Variants in C1orf162 observed in about 807,000 individuals in gnomAD.
C1orf162 encodes chromosome 1 open reading frame 162, also known as transmembrane protein C1orf162.
Under a neutral mutation model 11.4 loss-of-function variants are expected in C1orf162, and 10 were observed. The observed-to-expected ratio is 0.88, with a 90% CI of 0.54 to 1.48. The LOEUF is 1.48. Ranked by LOEUF, C1orf162 falls within the 40% of genes most tolerant of loss-of-function variation. The pLI is 0.00. For synonymous variants in C1orf162, 53 were observed against 55.0 expected (o/e 0.96, Z 0.16); for missense variants, 140 against 149.5 (o/e 0.94, Z 0.33).
At chr1:111,477,601 C>G (rs2298189) in intron 4 of C1orf162, 125 bp from the exon 5 acceptor site, 37 of 143,474 alleles carry the variant, frequency 2.6e-4, no homozygotes, top group Non-Finnish European at 3.9e-4. Context: ...TTCCGCCCTG[C>G]CCCCCACCCA....
At position 111,476,055 on chromosome 1, in the gene C1orf162, A is replaced by T; in HGVS notation, c.27A>T (p.Lys9Asn). 6.2e-7 allele frequency: 1 copy of T among 1,613,138 alleles called. No homozygotes were observed. Among genetic ancestry groups the T allele is most frequent in the African/African-American group, 1.3e-5 (1 of 75,018 alleles). MGGNGSTCKPDTERQGTLS... is the reference protein window; with the variant it reads MGGNGSTCNPDTERQGTLS... ...TGGGAGGCAATGGCTCCACATGTAAACCCGACACTGGTGAGTTTACGACAG... is the reference window on the plus strand; with the variant it reads ...TGGGAGGCAATGGCTCCACATGTAATCCCGACACTGGTGAGTTTACGACAG... Residue 9 changes from lysine (K) to asparagine (N), a missense_variant, in exon 2 of 6, where the codon AAA (lysine) becomes AAT (asparagine). Transcript: ENST00000369718.
intron 1 of C1orf162, chr1:111,474,894 A>G (rs1216760264): frequency 3.3e-5 from 5 of 152,182 alleles, no homozygotes; most frequent in Non-Finnish European, 4.4e-5. Flanking sequence ...AGAGCTGAAC[A>G]ATAAAACAAT....
intron 4 of C1orf162, 21 bp from the exon 5 acceptor site, chr1:111,477,705 T>C (rs1277955121): frequency 1.2e-6 from 2 of 1,612,666 alleles, no homozygotes; most frequent in African/African-American, 1.3e-5. Context: ...TGGGTCCCTC[T>C]TCTTTCTGGC....
intron 1 of C1orf162, chr1:111,475,660 CCT>C: frequency 5.0e-6 from 1 of 199,078 alleles, no homozygotes; most frequent in Non-Finnish European, 1.1e-5. Context: ...TATATGTTCC[CCT>C]GATAGGCAAA....
At chr1:111,474,901 C>T (rs945585171) in intron 1 of C1orf162, 4 of 151,920 alleles carry the variant, frequency 2.6e-5, no homozygotes, top group African/African-American at 9.7e-5. Context: ...AACAATAAAA[C>T]AATAAATAAT....
Position 111,477,373 on chromosome 1 carries a change from A to G in C1orf162, c.147A>G (p.Leu49=), listed in dbSNP as rs1654026010. 2 of 1,614,036 alleles carry G rather than the reference A, an allele frequency of 1.2e-6. No individual in the cohort carries two copies. Among genetic ancestry groups the G allele is most frequent in the Admixed American group, 1.7e-5 (1 of 60,010 alleles). The change falls in exon 4 of 6, where the codon CTA becomes CTG. Residue 49 remains leucine, a synonymous_variant. Coordinates refer to ENST00000369718, the MANE Select transcript of C1orf162 (RefSeq NM_001300834.2). ...TCCTTGCCTTTTGTGCTGGGGTTCT[A>G]CTGACACTGCTGCTGATAGCCTTTA... is the stretch of plus-strand genomic sequence containing the variant. The part of the protein sequence containing the change: ...HLILAFCAGV[L]LTLLLIAFIF...
chr1:111,475,928 A>G, intron 1 of C1orf162, 90 bp from the exon 2 acceptor site: 2 of 985,418 alleles, frequency 2.0e-6, no homozygotes, highest in South Asian at 1.4e-5. Context: ...CATTGTTACT[A>G]CTCTTATATG....
At chr1:111,474,749 A>G (rs924737876) in intron 1 of C1orf162, 7 of 152,124 alleles carry the variant, frequency 4.6e-5, no homozygotes, top group Admixed American at 4.6e-4. Flanking sequence ...CTGACATTGC[A>G]TGATCTAAAA....
At chr1:111,474,559 T>G (rs980229367) in intron 1 of C1orf162, 2 of 152,224 alleles carry the variant, frequency 1.3e-5, no homozygotes, top group African/African-American at 4.8e-5. Flanking sequence ...ATTTCAATAT[T>G]TTAAAAATAT....
At chr1:111,477,559 G>T (rs547419414) in intron 4 of C1orf162, 131 bp downstream of exon 4, 14 of 1,497,058 alleles carry the variant, frequency 9.4e-6, no homozygotes, top group Admixed American at 8.5e-5. Context: ...CACCCTGTCT[G>T]CAGACTGAAG....
chr1:111,477,566 G>A (rs1328693865), intron 4 of C1orf162, 138 bp downstream of exon 4: 1 of 1,508,764 alleles, frequency 6.6e-7, no homozygotes, highest in Non-Finnish European at 9.2e-7. Context: ...TCTGCAGACT[G>A]AAGATTCAAA....
chr1:111,477,637 ACCCTT>A lies in C1orf162; in HGVS notation c.203-87_203-83del, dbSNP rs750224830. ...CCTGCCAACACCTCCTCCCCACCCC[ACCCTT>A]CACCCAAGATCGAAGGGAGAGGCTT... On this transcript the variant is annotated intron_variant, in intron 4 of 5. Coordinates refer to ENST00000369718, the MANE Select transcript of C1orf162 (RefSeq NM_001300834.2). 1.0e-5 allele frequency: 15 copies of A among 1,433,624 alleles called. No individual in the cohort carries two copies. The East Asian group carries it at 5.5e-4, about 52-fold the overall frequency. The allele number at this position is 1,433,624 out of a possible 1,614,324, so 88.8% of individuals were successfully genotyped here.
intron 3 of C1orf162, 146 bp from the exon 4 acceptor site, chr1:111,477,188 A>C: frequency 1.3e-6 from 1 of 757,552 alleles, no homozygotes; most frequent in Non-Finnish European, 2.2e-6. Flanking sequence ...ACTCAAAAGC[A>C]AAAGCTGAAA....
At chr1:111,476,936 G>A (rs1399415378) in intron 3 of C1orf162, 69 bp downstream of exon 3, 17 of 1,541,678 alleles carry the variant, frequency 1.1e-5, no homozygotes, top group African/African-American at 6.8e-5. Context: ...TGACAGCCTC[G>A]GCTTGGGGAT....
At position 111,476,036 on chromosome 1, in the gene C1orf162, G is replaced by A; in HGVS notation, c.8G>A (p.Gly3Asp). The A allele has an allele frequency of 6.2e-7, 1 of 1,613,252 alleles. No individual in the cohort carries two copies. Among genetic ancestry groups the A allele is most frequent in the South Asian group, 1.1e-5 (1 of 91,048 alleles). Residue 3 changes from glycine to aspartate, a missense_variant, in exon 2 of 6, where the codon GGC (glycine) becomes GAC (aspartate). Coordinates refer to ENST00000369718, the MANE Select transcript of C1orf162 (RefSeq NM_001300834.2). Reference sequence around the variant, plus strand: ...TTCTCAGGGGATGACAGCATGGGAGGCAATGGCTCCACATGTAAACCCGAC... The same window carrying A: ...TTCTCAGGGGATGACAGCATGGGAGACAATGGCTCCACATGTAAACCCGAC... MG[G>D]NGSTCKPDTE...
rs201562996 is a variant in C1orf162 at position 111,477,975 on chromosome 1, C to A, written c.253-8C>A. ...ACTCACTCATTCCTCCTTTTTCTCC[C>A]TCTGCAGCTTTCATCCATCCCAGGG... On this transcript the variant is annotated splice_region_variant and splice_polypyrimidine_tract_variant and intron_variant, in intron 5 of 5. Coordinates refer to ENST00000369718, the MANE Select transcript of C1orf162 (RefSeq NM_001300834.2). 6.2e-7 allele frequency: 1 copy of A among 1,614,132 alleles called. No homozygotes were observed. Among genetic ancestry groups the A allele is most frequent in the East Asian group, 2.2e-5 (1 of 44,890 alleles).
chr1:111,477,204 T>G, intron 3 of C1orf162, 130 bp from the exon 4 acceptor site: 1 of 825,864 alleles, frequency 1.2e-6, no homozygotes, highest in Non-Finnish European at 2.0e-6. Flanking sequence ...TGAAAACCAC[T>G]GGGTGAAAGT....
intron 5 of C1orf162, 43 bp downstream of exon 5, chr1:111,477,818 T>G (rs756406176): frequency 6.2e-7 from 1 of 1,609,910 alleles, no homozygotes; most frequent in South Asian, 1.1e-5. Flanking sequence ...AGGGCTACCG[T>G]CATTGGAATT....
chr1:111,475,783 C>G (rs1653967324), intron 1 of C1orf162: 1 of 472,168 alleles, frequency 2.1e-6, no homozygotes, highest in Admixed American at 3.1e-5. Context: ...TTCTTGGTGC[C>G]CTGATAAGAT....
Sources: allele counts gnomAD v4.1 joint callset, GRCh38; gene constraint gnomAD v4.1.1; transcripts MANE v1.5; gene names NCBI Gene and HGNC (gene_info 2026-07-23, HGNC 2026-07-21).